The following NT5DC1 variants were observed in gnomAD, a reference collection of about 807,000 sequenced individuals.
NT5DC1 encodes 5'-nucleotidase domain-containing protein 1.
Under a neutral mutation model 59.4 loss-of-function variants are expected in NT5DC1, and 42 were observed. The observed-to-expected ratio is 0.71, with a 90% CI of 0.55 to 0.92. The LOEUF is 0.92. Ranked by LOEUF, NT5DC1 falls within the 40% of genes least tolerant of loss-of-function variation. NT5DC1 has a pLI of 0.00. For missense variants in NT5DC1, 501 were observed against 537.1 expected, an observed-to-expected ratio of 0.93 and a Z score of 0.66; for synonymous variants, 172 against 188.1, an observed-to-expected ratio of 0.91 and a Z score of 0.70.
intron 6 of NT5DC1, among the ~76,000 whole-genome samples, chr6:116,204,294 G>T (rs770738833): frequency 6.6e-6 from 1 of 151,870 alleles, no homozygotes; most frequent in South Asian, 2.1e-4. Context: ...TTGCTTTTTG[G>T]TAATTACTTC....
chr6:116,178,068 TGTGTGTGTGTGTGTGTGTGTGC>T (rs1181372600), intron 6 of NT5DC1, among the ~76,000 whole-genome samples: 3 of 111,992 alleles, frequency 2.7e-5, no homozygotes, highest in Non-Finnish European at 5.7e-5. Context: ...TGTGTGTGTG[TGTGTGTGTGTGTGTGTGTGTGC>T]GCGCGCGCGC....
intron 8 of NT5DC1, among the ~76,000 whole-genome samples, chr6:116,223,706 T>C (rs778802420): frequency 5.3e-5 from 8 of 152,238 alleles, no homozygotes; most frequent in African/African-American, 1.9e-4. Flanking sequence ...AGAGAAGTTA[T>C]AGTTTTTGGG....
At chr6:116,234,569 G>A (rs911102780) in intron 8 of NT5DC1, among the ~76,000 whole-genome samples, 1 of 151,434 alleles carries the variant, frequency 6.6e-6, no homozygotes, top group South Asian at 2.1e-4. Flanking sequence ...TTGAACTCCT[G>A]GACTCAAGCA....
chr6:116,224,850 G>C (rs1413528882), intron 8 of NT5DC1, among the ~76,000 whole-genome samples: 1 of 152,186 alleles, frequency 6.6e-6, no homozygotes. Flanking sequence ...GCTGGGTGGG[G>C]AATGGTTTGA....
At chr6:116,125,022 T>G (rs1194714728) in intron 6 of NT5DC1, among the ~76,000 whole-genome samples, 8 of 152,238 alleles carry the variant, frequency 5.3e-5, no homozygotes, top group African/African-American at 1.9e-4. Context: ...TGATTAGTTT[T>G]GATTAGATCA....
chr6:116,123,522 G>A (rs1320141263), intron 6 of NT5DC1, among the ~76,000 whole-genome samples: 1 of 152,234 alleles, frequency 6.6e-6, no homozygotes, highest in Non-Finnish European at 1.5e-5. Flanking sequence ...CTGCCCACCA[G>A]CTGTGGAATC....
chr6:116,215,306 A>C (rs958326643), intron 6 of NT5DC1, among the ~76,000 whole-genome samples: 3 of 152,172 alleles, frequency 2.0e-5, no homozygotes, highest in Non-Finnish European at 4.4e-5. Flanking sequence ...AAATTGCAAA[A>C]CATGGTCTCC....
At chr6:116,185,020 G>A (rs112502490) in intron 6 of NT5DC1, among the ~76,000 whole-genome samples, 38 of 151,970 alleles carry the variant, frequency 2.5e-4, no homozygotes, top group African/African-American at 9.2e-4. Flanking sequence ...TTCCCTCTTA[G>A]CACTGCCTTT....
At chr6:116,179,957 A>G (rs1317381161) in intron 6 of NT5DC1, among the ~76,000 whole-genome samples, 1 of 151,848 alleles carries the variant, frequency 6.6e-6, no homozygotes, top group Non-Finnish European at 1.5e-5. Context: ...CAGTGTAGAT[A>G]ATGTGGATAA....
intron 6 of NT5DC1, among the ~76,000 whole-genome samples, chr6:116,171,984 C>T (rs974207740): frequency 3.3e-5 from 5 of 151,964 alleles, no homozygotes; most frequent in East Asian, 3.9e-4. Context: ...GTATGACAGC[C>T]GCCACATCTT....
At chr6:116,111,814 T>C (rs745920711) in intron 4 of NT5DC1, among the ~76,000 whole-genome samples, 3 of 152,184 alleles carry the variant, frequency 2.0e-5, no homozygotes, top group African/African-American at 4.8e-5. Context: ...AATTAGTTGA[T>C]AGGAGAAACT....
intron 6 of NT5DC1, among the ~76,000 whole-genome samples, chr6:116,202,786 T>G (rs1781374814): frequency 6.6e-6 from 1 of 152,012 alleles, no homozygotes; most frequent in Admixed American, 6.6e-5. Context: ...TTATTATTGT[T>G]AACTTGAGCA....
At chr6:116,161,720 G>T (rs917248545) in intron 6 of NT5DC1, among the ~76,000 whole-genome samples, 1 of 152,040 alleles carries the variant, frequency 6.6e-6, no homozygotes, top group African/African-American at 2.4e-5. Context: ...GGCTCTTATG[G>T]GTTCCATATG....
At chr6:116,117,584 A>G (rs1283850965) in intron 5 of NT5DC1, among the ~76,000 whole-genome samples, 1 of 152,184 alleles carries the variant, frequency 6.6e-6, no homozygotes, top group African/African-American at 2.4e-5. Context: ...CTGTTGGGCA[A>G]AGTCATCAAA....
In NT5DC1 at chr6:116,198,281, T is replaced by C. The variant is rs77958778; in HGVS notation, c.530-22773T>C. Among the ~76,000 whole-genome samples the C allele has an allele frequency of 0.019, 2,931 of 152,170 alleles. 150 individuals are homozygous for C. In the East Asian group the frequency reaches 0.2, roughly 11 times the overall value. ...GTAACTATTCCACACAGCTTGATCC[T>C]GAAACAGAAAACAGTCAATGTGGCC... On this transcript the variant is annotated intron_variant, in intron 6 of 11. Coordinates refer to ENST00000319550, the MANE Select transcript of NT5DC1 (RefSeq NM_152729.3).
In NT5DC1 at chr6:116,125,204, T is replaced by A. The variant is rs574499406; in HGVS notation, c.529+7259T>A. The stretch of plus-strand genomic sequence containing the variant: ...GTTCTACTTTTTTCACAGATCACTT[T>A]GTTGTAATAATTTGGGCTAATTCAG... On this transcript the variant is annotated intron_variant, in intron 6 of 11. Coordinates refer to ENST00000319550, the MANE Select transcript of NT5DC1 (RefSeq NM_152729.3). 4 of 899,544 alleles carry A rather than the reference T, an allele frequency of 4.4e-6. No homozygotes were observed. In the South Asian group the frequency reaches 4.9e-5, roughly 11 times the overall value. The allele number at this position is 899,544 out of a possible 1,614,324, so 55.7% of individuals were successfully genotyped here. A position where few individuals can be genotyped will look rare whatever the true frequency, so the allele number is the denominator to read the frequency against.
At chr6:116,145,187 A>G (rs1219953023) in intron 6 of NT5DC1, among the ~76,000 whole-genome samples, 1 of 152,190 alleles carries the variant, frequency 6.6e-6, no homozygotes, top group East Asian at 1.9e-4. Flanking sequence ...GAAGTTGGAC[A>G]GTTGTCCTCA....
intron 1 of NT5DC1, among the ~76,000 whole-genome samples, chr6:116,104,515 A>T (rs1432062617): frequency 6.6e-6 from 1 of 152,208 alleles, no homozygotes. Context: ...CTATTCAGGA[A>T]TTGTGCAAGC....
chr6:116,165,837 C>T (rs1302799625), intron 6 of NT5DC1, among the ~76,000 whole-genome samples: 1 of 152,234 alleles, frequency 6.6e-6, no homozygotes, highest in African/African-American at 2.4e-5. Flanking sequence ...AGGTTCTGGG[C>T]TATGTTTGCA....
Sources: gnomAD v4.1 joint callset for allele counts (sites outside exome capture counted in the v4.1 genomes callset) on GRCh38, gnomAD v4.1.1 for gene constraint, MANE v1.5 for transcripts, NCBI Gene and HGNC (gene_info 2026-07-23, HGNC 2026-07-21) for gene names.